The following F5 variants were observed in gnomAD, a reference collection of about 807,000 sequenced individuals.
F5 encodes the protein activated protein c cofactor.
F5 carries 138 observed loss-of-function variants against 216.4 expected under a neutral mutation model. The ratio of observed to expected loss-of-function variants is 0.64; its 90% CI spans 0.56 to 0.73. F5 has a LOEUF of 0.73. F5 is among the 30% of genes least tolerant of loss of function. The pLI is 0.00. For missense variants in F5, 2,403 were observed against 2,674.0 expected, an observed-to-expected ratio of 0.90 and a Z score of 2.24; for synonymous variants, 916 against 930.7, an observed-to-expected ratio of 0.98 and a Z score of 0.29.
intron 3 of F5, among the ~76,000 whole-genome samples, chr1:169,568,834 C>A (rs1207352787): frequency 1.3e-5 from 2 of 152,048 alleles, no homozygotes; most frequent in East Asian, 3.8e-4. Context: ...CATAAAGAGC[C>A]TTTTTGGTTA....
rs753293350 is a variant in F5 at position 169,542,907 on chromosome 1, T to C, written c.2183A>G (p.Asn728Ser). 6.2e-6 allele frequency: 10 copies of C among 1,614,138 alleles called. No individual in the cohort carries two copies. In the East Asian group the frequency reaches 2.2e-4, roughly 36 times the overall value. ...EESDADYDYQ[N>S]RLAAALGIRS... ...GATTCCTAATGCTGCAGCCAGTCTGTTCTGGTAATCATAGTCAGCATCACT... is the reference window on the plus strand; with the variant it reads ...GATTCCTAATGCTGCAGCCAGTCTGCTCTGGTAATCATAGTCAGCATCACT... The change falls in exon 13 of 25, where the codon AAC becomes AGC. Residue 728 changes from asparagine to serine, a missense_variant. Coordinates refer to ENST00000367797, the MANE Select transcript of F5 (RefSeq NM_000130.5).
rs141977229 is a variant in F5 at position 169,528,068 on chromosome 1, G to A, written c.5446C>T (p.Pro1816Ser). 6.0e-4 allele frequency: 967 copies of A among 1,613,888 alleles called. 2 individuals are homozygous for A. The highest frequency in any genetic ancestry group is 3.6e-4 in the Non-Finnish European group (419 of 1,179,822). The change falls in exon 17 of 25, where the codon CCT becomes TCT. Residue 1816 changes from proline (P) to serine (S), a missense_variant. By Grantham distance (74) the Pro-to-Ser change is moderately conservative. Coordinates refer to ENST00000367797, the MANE Select transcript of F5 (RefSeq NM_000130.5). The stretch of plus-strand genomic sequence containing the variant: ...TCTTGCTCATACATTTTCAGGCCAG[G>A]CAAGCTGTAGATCATCCCATTAATG... ...HAINGMIYSL[P>S]GLKMYEQEWV...
rs9332673 is a variant in F5 at position 169,513,440 on chromosome 1, G to A, written c.*873C>T. On this transcript the variant is annotated 3_prime_UTR_variant, in exon 25 of 25. Transcript: ENST00000367797. The stretch of plus-strand genomic sequence containing the variant: ...GGGGAAGTTGCTGGAAGAAGAGAGA[G>A]GAGGAAGTTGAGGCCATAGAGAGGA... Among the ~76,000 whole-genome samples the A allele has an allele frequency of 0.055, 8,411 of 152,102 alleles. 345 individuals carry two copies. Among genetic ancestry groups the A allele is most frequent in the Admixed American group, 0.1 (1,539 of 15,246 alleles).
At chr1:169,527,463 T>A (rs1342463282) in intron 17 of F5, among the ~76,000 whole-genome samples, 1 of 152,208 alleles carries the variant, frequency 6.6e-6, no homozygotes, top group Non-Finnish European at 1.5e-5. Flanking sequence ...CTTCAAACAG[T>A]CTATAAGTCA....
rs6032 is a variant in F5, at chr1:169,542,317, T to C, written c.2773A>G (p.Lys925Glu). 434,559 of 1,613,780 alleles carry C rather than the reference T, an allele frequency of 0.27. 60,109 individuals are homozygous for C. Among genetic ancestry groups the C allele is most frequent in the Admixed American group, 0.39 (23,485 of 59,962 alleles). Residue 925 changes from lysine (K) to glutamate (E), a missense_variant, in exon 13 of 25, where the codon AAG (lysine) becomes GAG (glutamate). Lys to Glu is a moderately conservative substitution (Grantham distance 56). Around this residue, in one of 4 missense-constraint regions of F5, gnomAD observed 1,425 missense variants for 1,554.8 expected, o/e 0.92. Coordinates refer to ENST00000367797, the MANE Select transcript of F5 (RefSeq NM_000130.5). ...TGSPSRMRPWKDPPSDLLLLK... is the reference protein window; with the variant it reads ...TGSPSRMRPWEDPPSDLLLLK... ...AGTAACAGATCACTAGGAGGGTCCT[T>C]CCAGGGCCTCATTCTGGAAGGAGAA...
At chr1:169,537,494 G>A (rs1659733549) in intron 13 of F5, among the ~76,000 whole-genome samples, 1 of 152,094 alleles carries the variant, frequency 6.6e-6, no homozygotes, top group African/African-American at 2.4e-5. Flanking sequence ...AAATGGGATT[G>A]CCATCAAACT....
chr1:169,576,048 C>T (rs1197985859), intron 2 of F5, among the ~76,000 whole-genome samples: 2 of 151,984 alleles, frequency 1.3e-5, no homozygotes, highest in African/African-American at 4.8e-5. Context: ...GCCATGAGCC[C>T]GTGAGTGTAG....
At chr1:169,536,792 A>C in intron 13 of F5, 112 bp from the exon 14 acceptor site, 3 of 789,264 alleles carry the variant, frequency 3.8e-6, no homozygotes, top group Middle Eastern at 3.7e-4. Context: ...TCTTTAATAA[A>C]TACTTGGTGG....
intron 15 of F5, among the ~76,000 whole-genome samples, 194 bp downstream of exon 15, chr1:169,530,592 C>A (rs929790401): frequency 6.6e-6 from 1 of 152,214 alleles, no homozygotes; most frequent in East Asian, 1.9e-4. Flanking sequence ...ATAAATGTTT[C>A]TCTCTCTGTC....
In F5 at chr1:169,524,785, T is replaced by A. The variant is rs1659396730; in HGVS notation, c.5788+52A>T. ...GTCATGTATGGTTTCATAGGCTGCA[T>A]GCTGCACAACTGTAGGGGGTACCAT... On this transcript the variant is annotated intron_variant, in intron 19 of 24. Coordinates refer to ENST00000367797, the MANE Select transcript of F5 (RefSeq NM_000130.5). 7 of 1,413,944 alleles carry A rather than the reference T, an allele frequency of 5.0e-6. No homozygotes were observed. The Admixed American group carries it at 5.0e-5, about 10-fold the overall frequency. 87.6% of individuals were successfully genotyped at this position (1,413,944 alleles called of 1,614,324 possible). A position where few individuals can be genotyped will look rare whatever the true frequency, so the allele number is the denominator to read the frequency against.
chr1:169,550,762 T>C, intron 8 of F5, 23 bp from the exon 9 acceptor site: 7 of 1,530,902 alleles, frequency 4.6e-6, no homozygotes, highest in Non-Finnish European at 6.3e-6. Context: ...ATCAAATTTA[T>C]TCTAGGATTT....
In F5 at chr1:169,542,723, A is replaced by G. The variant is rs376662139; in HGVS notation, c.2367T>C (p.Asn789=). The G allele has an allele frequency of 1.2e-6, 2 of 1,614,008 alleles. No homozygotes were observed. Among genetic ancestry groups the G allele is most frequent in the African/African-American group, 2.7e-5 (2 of 74,904 alleles). The change falls in exon 13 of 25, where the codon AAT becomes AAC. Residue 789 remains asparagine (N), a synonymous_variant. Coordinates refer to ENST00000367797, the MANE Select transcript of F5 (RefSeq NM_000130.5). ...GGGCTTTCTGAGGTTCTGCAAGGTT[A>G]TTGACAGTGAACTTACTAATATTAC... ...SPSNISKFTV[N]NLAEPQKAPS...
Position 169,560,781 on chromosome 1 carries a change from G to A in F5, c.374-15C>T. The A allele has an allele frequency of 6.2e-7, 1 of 1,610,670 alleles. No individual in the cohort carries two copies. The highest frequency in any genetic ancestry group is 8.5e-7 in the Non-Finnish European group (1 of 1,178,802). ...GTAAGAAGCACCTGGAGGAGTAACA[G>A]CCATCAAGACATGTGGGCAGTTTCT... On this transcript the variant is annotated splice_polypyrimidine_tract_variant and intron_variant, in intron 3 of 24. Coordinates refer to ENST00000367797, the MANE Select transcript of F5 (RefSeq NM_000130.5).
intron 11 of F5, 41 bp downstream of exon 11, chr1:169,546,400 AG>A (rs1353367441): frequency 1.9e-6 from 3 of 1,612,276 alleles, no homozygotes; most frequent in Non-Finnish European, 2.5e-6. Context: ...TTTCAACCAC[AG>A]GAATGAAAAA....
chr1:169,586,305 C>T lies in F5; in HGVS notation c.82G>A (p.Ala28Thr), dbSNP rs571083332. The T allele has an allele frequency of 9.9e-6, 16 of 1,614,168 alleles. No homozygotes were observed. In the South Asian group the frequency reaches 1.5e-4, roughly 16 times the overall value. Reference sequence around the variant, plus strand: ...ACGTAGAACTGCCTTAGCTGTGCCGCTTCTGTCCCTTGGCTCCCCCAGCCT... The same window carrying T: ...ACGTAGAACTGCCTTAGCTGTGCCGTTTCTGTCCCTTGGCTCCCCCAGCCT... ...WVGWGSQGTE[A>T]AQLRQFYVAA... Residue 28 changes from alanine to threonine, a missense_variant, in exon 1 of 25, where the codon GCG becomes ACG. Around this residue, in one of 4 missense-constraint regions of F5, gnomAD observed 1,425 missense variants for 1,554.8 expected, o/e 0.92. Coordinates refer to ENST00000367797, the MANE Select transcript of F5 (RefSeq NM_000130.5).
chr1:169,523,658 T>C, intron 20 of F5, 143 bp downstream of exon 20: 1 of 822,112 alleles, frequency 1.2e-6, no homozygotes, highest in Non-Finnish European at 2.0e-6. Context: ...TTTAAGGATA[T>C]AAAGTACTTA....
chr1:169,563,986 A>T (rs61805771), intron 3 of F5, among the ~76,000 whole-genome samples: 1 of 151,866 alleles, frequency 6.6e-6, no homozygotes, highest in Admixed American at 6.6e-5. Flanking sequence ...GTTAACTAGT[A>T]TTGAGTTTTA....
Position 169,542,230 on chromosome 1 carries a change from C to A in F5, c.2860G>T (p.Gly954Cys), listed in dbSNP as rs1188903429. 2 of 1,614,040 alleles carry A rather than the reference C, an allele frequency of 1.2e-6. No individual in the cohort carries two copies. Among genetic ancestry groups the A allele is most frequent in the Admixed American group, 1.7e-5 (1 of 59,996 alleles). Residue 954 changes from glycine to cysteine, a missense_variant, in exon 13 of 25, where the codon GGT becomes TGT. Physicochemically the swap from Gly to Cys is radical, Grantham distance 159. This residue lies in a region of F5 where 1,425 missense variants were observed against 1,554.8 expected (regional missense o/e 0.92). Transcript: ENST00000367797. ...GTATCTTGGATTATTTCATAGCTACCTTTCTCAGAAGCCAAATGCCATCTC... is the reference window on the plus strand; with the variant it reads ...GTATCTTGGATTATTTCATAGCTACATTTCTCAGAAGCCAAATGCCATCTC... ...VGRWHLASEK[G>C]SYEIIQDTDE...
chr1:169,522,777 C>T (rs529344313), intron 21 of F5, among the ~76,000 whole-genome samples: 1 of 152,270 alleles, frequency 6.6e-6, no homozygotes, highest in East Asian at 1.9e-4. Context: ...GGCTTACTAG[C>T]ATTAACACTA....
Sources: allele counts gnomAD v4.1 joint callset (sites outside exome capture counted in the v4.1 genomes callset), GRCh38; gene constraint gnomAD v4.1.1; regional missense constraint gnomAD v4.1.1; transcripts MANE v1.5; gene names NCBI Gene and HGNC (gene_info 2026-07-23, HGNC 2026-07-21).